KCNMB2: variants seen among roughly 807,000 people sequenced by gnomAD.
The protein encoded by KCNMB2 is potassium calcium-activated channel subfamily M regulatory beta subunit 2, also known as calcium-activated potassium channel subunit beta-2.
KCNMB2 carries 9 observed loss-of-function variants against 24.5 expected under a neutral mutation model. The observed-to-expected ratio is 0.37, with a 90% CI of 0.22 to 0.64. The LOEUF is 0.64. Among genes scored for constraint, KCNMB2 ranks in the 30% least tolerant of loss-of-function variants. The pLI is 0.63. For missense variants in KCNMB2, 226 were observed against 284.3 expected (o/e 0.79, Z 1.47); for synonymous variants, 109 against 104.4 (o/e 1.04, Z -0.27).
intron 1 of KCNMB2, among the ~76,000 whole-genome samples, chr3:178,553,569 T>C (rs1716028490): frequency 6.6e-6 from 1 of 151,408 alleles, no homozygotes; most frequent in Admixed American, 6.6e-5. Flanking sequence ...TCTCCCTCTG[T>C]GGCCCAGGCT....
At chr3:178,647,697 C>A (rs549026515) in intron 1 of KCNMB2, among the ~76,000 whole-genome samples, 1 of 152,036 alleles carries the variant, frequency 6.6e-6, no homozygotes, top group Non-Finnish European at 1.5e-5. Context: ...ATAACCAAGG[C>A]AGTTTTATTT....
intron 1 of KCNMB2, among the ~76,000 whole-genome samples, chr3:178,542,718 T>C (rs1379011489): frequency 6.6e-6 from 1 of 152,180 alleles, no homozygotes; most frequent in Admixed American, 6.5e-5. Context: ...CATGTACTCC[T>C]TCCCTAAACA....
At chr3:178,807,632 T>C (rs1302822844) in intron 2 of KCNMB2, among the ~76,000 whole-genome samples, 167 bp downstream of exon 2, 1 of 152,196 alleles carries the variant, frequency 6.6e-6, no homozygotes, top group Non-Finnish European at 1.5e-5. Flanking sequence ...TCCTTCTCCT[T>C]GCACTTTACA....
chr3:178,834,225 G>T (rs954920330), intron 4 of KCNMB2, among the ~76,000 whole-genome samples: 1 of 152,150 alleles, frequency 6.6e-6, no homozygotes, highest in Non-Finnish European at 1.5e-5. Flanking sequence ...TGCTAACTCT[G>T]GGTGTGTGTG....
At chr3:178,554,902 A>T (rs1196004093) in intron 1 of KCNMB2, among the ~76,000 whole-genome samples, 1 of 152,236 alleles carries the variant, frequency 6.6e-6, no homozygotes, top group Admixed American at 6.5e-5. Context: ...TGACTTTATT[A>T]TGGATAGAGG....
At chr3:178,632,293 G>A (rs997042287) in intron 1 of KCNMB2, among the ~76,000 whole-genome samples, 1 of 152,066 alleles carries the variant, frequency 6.6e-6, no homozygotes. Context: ...TCTATCCCTG[G>A]GATCAAACTA....
At chr3:178,829,142 T>C (rs1199478085) in intron 4 of KCNMB2, among the ~76,000 whole-genome samples, 5 of 152,192 alleles carry the variant, frequency 3.3e-5, no homozygotes, top group Admixed American at 6.5e-5. Context: ...CAACTTGCCA[T>C]TACAATTTTA....
At chr3:178,585,878 T>A (rs1448080738) in intron 1 of KCNMB2, among the ~76,000 whole-genome samples, 2 of 152,238 alleles carry the variant, frequency 1.3e-5, no homozygotes, top group African/African-American at 4.8e-5. Flanking sequence ...TGTGAGCTGA[T>A]AATTTAGGAG....
intron 2 of KCNMB2, among the ~76,000 whole-genome samples, chr3:178,823,896 G>T (rs1714731046): frequency 6.8e-6 from 1 of 147,856 alleles, no homozygotes. Flanking sequence ...TGTGCATATT[G>T]GCTTTTTGCC....
intron 1 of KCNMB2, among the ~76,000 whole-genome samples, chr3:178,711,129 T>A (rs1722439585): frequency 6.6e-6 from 1 of 152,224 alleles, no homozygotes; most frequent in African/African-American, 2.4e-5. Flanking sequence ...ATGATTAATA[T>A]TCTTTTTACA....
At chr3:178,727,369 G>A (rs1044159634) in intron 1 of KCNMB2, among the ~76,000 whole-genome samples, 9 of 152,002 alleles carry the variant, frequency 5.9e-5, no homozygotes, top group African/African-American at 1.2e-4. Context: ...TTTCTCCACC[G>A]TGGTAGGCAG....
At chr3:178,791,562 G>A (rs1268936342) in intron 1 of KCNMB2, among the ~76,000 whole-genome samples, 2 of 148,782 alleles carry the variant, frequency 1.3e-5, no homozygotes, top group Admixed American at 1.3e-4. Flanking sequence ...AGTAGAAAGT[G>A]TATTCAAAGG....
chr3:178,638,997 C>G (rs1469180822), intron 1 of KCNMB2, among the ~76,000 whole-genome samples: 1 of 152,160 alleles, frequency 6.6e-6, no homozygotes. Context: ...GTGGTAGCTA[C>G]AGATTTCATG....
chr3:178,694,094 G>A (rs4557135), intron 1 of KCNMB2, among the ~76,000 whole-genome samples: 47,877 of 151,898 alleles, frequency 0.32, 8,029 homozygotes, highest in African/African-American at 0.43. Flanking sequence ...GCATAGCTGG[G>A]GAGGCCTCAC....
At chr3:178,556,696 C>T (rs1002076599) in intron 1 of KCNMB2, among the ~76,000 whole-genome samples, 1 of 152,150 alleles carries the variant, frequency 6.6e-6, no homozygotes, top group Non-Finnish European at 1.5e-5. Context: ...TAAGCCACCT[C>T]GCCCTGCCGA....
chr3:178,623,105 A>G (rs774323187), intron 1 of KCNMB2, among the ~76,000 whole-genome samples: 1 of 152,188 alleles, frequency 6.6e-6, no homozygotes, highest in Non-Finnish European at 1.5e-5. Context: ...CCTACACACA[A>G]AAAAATGATT....
intron 1 of KCNMB2, among the ~76,000 whole-genome samples, chr3:178,639,475 G>A (rs1337758062): frequency 1.3e-5 from 2 of 152,180 alleles, no homozygotes; most frequent in Non-Finnish European, 2.9e-5. Flanking sequence ...GTGTTATCGT[G>A]AGCAAAGTAT....
rs560561942 is a variant in KCNMB2, at chr3:178,844,284, T to C, written c.*1347T>C. The C allele has an allele frequency of 6.6e-6, 1 of 152,656 alleles. No homozygotes were observed. Among genetic ancestry groups the C allele is most frequent in the South Asian group, 2.1e-4 (1 of 4,834 alleles). 9.5% of individuals were successfully genotyped at this position (152,656 alleles called of 1,614,324 possible). Reference sequence around the variant, plus strand: ...AATGCAAAATTTTACAAATCATTTGTGGAATGAATGGTAAAACTAATCTGA... The same window carrying C: ...AATGCAAAATTTTACAAATCATTTGCGGAATGAATGGTAAAACTAATCTGA... On this transcript the variant is annotated 3_prime_UTR_variant, in exon 5 of 5. Transcript: ENST00000452583.
intron 1 of KCNMB2, among the ~76,000 whole-genome samples, chr3:178,661,120 A>G (rs1720512046): frequency 1.3e-5 from 2 of 151,920 alleles, no homozygotes; most frequent in African/African-American, 4.8e-5. Flanking sequence ...TATTTCTCCT[A>G]ATGCTGTCCC....
Sources: allele counts gnomAD v4.1 joint callset (sites outside exome capture counted in the v4.1 genomes callset), GRCh38; gene constraint gnomAD v4.1.1; transcripts MANE v1.5; gene names NCBI Gene and HGNC (gene_info 2026-07-23, HGNC 2026-07-21).